Variants in RIBC2 observed in about 807,000 individuals in gnomAD.
RIBC2 encodes the protein RIB43A-like with coiled-coils protein 2.
A neutral mutation model predicts 44.3 loss-of-function variants in RIBC2; 40 were observed. The observed-to-expected ratio is 0.90, with a 90% CI of 0.70 to 1.18. The LOEUF is 1.18. Among genes scored for constraint, RIBC2 ranks in the 50% most tolerant of loss-of-function variants. RIBC2 has a pLI of 0.00. For missense variants in RIBC2, 459 were observed against 485.5 expected, an observed-to-expected ratio of 0.95 and a Z score of 0.51; for synonymous variants, 171 against 175.0, an observed-to-expected ratio of 0.98 and a Z score of 0.18.
chr22:45,415,155 G>T (rs1478443433), intron 2 of RIBC2, among the ~76,000 whole-genome samples: 1 of 147,924 alleles, frequency 6.8e-6, no homozygotes, highest in Non-Finnish European at 1.5e-5. Context: ...CTCCAGACTT[G>T]CCTGGGCAAC....
At chr22:45,421,571 A>G (rs1198015154) in intron 3 of RIBC2, among the ~76,000 whole-genome samples, 1 of 132,754 alleles carries the variant, frequency 7.5e-6, no homozygotes, top group Admixed American at 8.0e-5. Flanking sequence ...ATTATTAATA[A>G]TAGTATTATT....
chr22:45,420,668 T>C (rs1345705445), intron 3 of RIBC2, among the ~76,000 whole-genome samples: 1 of 152,194 alleles, frequency 6.6e-6, no homozygotes, highest in African/African-American at 2.4e-5. Context: ...ACCAGAAGTC[T>C]AGGGAATCAT....
At position 45,417,654 on chromosome 22, in the gene RIBC2, A is replaced by G. The variant is rs746594459; in HGVS notation, c.264A>G (p.Lys88=). 3.1e-6 allele frequency: 5 copies of G among 1,614,176 alleles called. No individual in the cohort carries two copies. The highest frequency in any genetic ancestry group is 4.2e-6 in the Non-Finnish European group (5 of 1,180,008). The change falls in exon 3 of 7, where the codon AAA becomes AAG. Residue 88 remains lysine (K), a synonymous_variant. Coordinates refer to ENST00000614167, the MANE Select transcript of RIBC2 (RefSeq NM_015653.5). ...DKIMCILENR[K]KRDRKNLCRA... ...TCATGTGCATATTGGAAAACCGGAA[A>G]AAGAGGGATAGGAAAAATCTCTGTA...
At chr22:45,418,007 T>G (rs2087442898) in intron 3 of RIBC2, 61 bp downstream of exon 3, 2 of 208,960 alleles carry the variant, frequency 9.6e-6, no homozygotes, top group Non-Finnish European at 1.2e-5. Flanking sequence ...AACCCTACAG[T>G]TTTTTTTTTT....
rs755926385 is a variant in RIBC2 at position 45,426,206 on chromosome 22, A to G, written c.903+31A>G. On this transcript the variant is annotated intron_variant, in intron 5 of 6. Coordinates refer to ENST00000614167, the MANE Select transcript of RIBC2 (RefSeq NM_015653.5). ...TGCCCCGCCCCTTTTTCCAGAGCCC[A>G]TAGAGCCAGGCTCTTTGCTCCCACT... The G allele has an allele frequency of 1.0e-5, 16 of 1,577,498 alleles. No individual in the cohort carries two copies. The East Asian group carries it at 2.7e-4, about 27-fold the overall frequency.
chr22:45,427,667 C>T (rs775191573), intron 5 of RIBC2, among the ~76,000 whole-genome samples: 1 of 152,230 alleles, frequency 6.6e-6, no homozygotes, highest in Non-Finnish European at 1.5e-5. Context: ...GACAGTCTCA[C>T]TCTATCACCC....
intron 2 of RIBC2, among the ~76,000 whole-genome samples, chr22:45,415,800 A>G (rs1196654137): frequency 6.6e-6 from 1 of 152,098 alleles, no homozygotes; most frequent in Non-Finnish European, 1.5e-5. Flanking sequence ...CCTGGGTTCA[A>G]GCAATTCTCC....
rs199673014 is a variant in RIBC2 at position 45,423,936 on chromosome 22, GTGA to G, written c.675+1542_675+1544del. 2.7e-4 allele frequency among the ~76,000 whole-genome samples: 41 copies of G among 152,296 alleles called. No individual in the cohort carries two copies. The East Asian group carries it at 7.9e-3, about 29-fold the overall frequency. On this transcript the variant is annotated intron_variant, in intron 4 of 6. Coordinates refer to ENST00000614167, the MANE Select transcript of RIBC2 (RefSeq NM_015653.5). ...TGCTCATTCATTTATGGAAGCGATG[GTGA>G]TGATGATGATGATAATTCACTCATT...
chr22:45,417,577 T>A, intron 2 of RIBC2, 25 bp from the exon 3 acceptor site: 1 of 1,531,168 alleles, frequency 6.5e-7, no homozygotes, highest in Non-Finnish European at 9.0e-7. Context: ...ATCCTAAGCT[T>A]ATGGATATGC....
intron 3 of RIBC2, among the ~76,000 whole-genome samples, chr22:45,418,563 G>T (rs1307421655): frequency 2.0e-5 from 3 of 152,162 alleles, no homozygotes; most frequent in African/African-American, 7.2e-5. Context: ...GACCCGCCCA[G>T]CCACTTCTGT....
At position 45,422,338 on chromosome 22, in the gene RIBC2, A is replaced by G. The variant is rs576340351; in HGVS notation, c.605A>G (p.His202Arg). Residue 202 changes from histidine to arginine, a missense_variant, in exon 4 of 7, where the codon CAC becomes CGC. Transcript: ENST00000614167. The part of the protein sequence containing the change: ...TRLQFDETAK[H>R]LQKLESTTRK... ...CTGCAGTTTGACGAGACAGCCAAGC[A>G]CCTCCAGAAGCTGGAAAGCACCACC... The G allele has an allele frequency of 6.2e-7, 1 of 1,614,096 alleles. No individual in the cohort carries two copies. The highest frequency in any genetic ancestry group is 1.3e-5 in the African/African-American group (1 of 74,988).
rs368782028 is a variant in RIBC2 at position 45,417,791 on chromosome 22, A to T, written c.401A>T (p.Asn134Ile). The T allele has an allele frequency of 6.2e-7, 1 of 1,614,174 alleles. No individual in the cohort carries two copies. Among genetic ancestry groups the T allele is most frequent in the East Asian group, 2.2e-5 (1 of 44,890 alleles). ...KKDLPARQSD[N>I]DVRNTISGMQ... ...GATCTTCCAGCCCGGCAGTCAGATA[A>T]TGATGTTCGGAATACGATATCAGGA... is the stretch of plus-strand genomic sequence containing the variant. Residue 134 changes from asparagine (N) to isoleucine (I), a missense_variant, in exon 3 of 7, where the codon AAT (asparagine) becomes ATT (isoleucine). Coordinates refer to ENST00000614167, the MANE Select transcript of RIBC2 (RefSeq NM_015653.5).
At chr22:45,415,624 T>TATAA (rs976658565) in intron 2 of RIBC2, among the ~76,000 whole-genome samples, 3 of 141,978 alleles carry the variant, frequency 2.1e-5, no homozygotes, top group Non-Finnish European at 3.0e-5. Context: ...TATATATATA[T>TATAA]AACAACACTG....
At chr22:45,419,999 C>T (rs1329640586) in intron 3 of RIBC2, among the ~76,000 whole-genome samples, 1 of 152,194 alleles carries the variant, frequency 6.6e-6, no homozygotes, top group Non-Finnish European at 1.5e-5. Context: ...GCACTCCACC[C>T]TGGGTGAGAG....
At position 45,413,952 on chromosome 22, in the gene RIBC2, G is replaced by A; in HGVS notation, c.66G>A (p.Lys22=). 1 of 1,551,756 alleles carries A rather than the reference G, an allele frequency of 6.4e-7. No individual in the cohort carries two copies. Among genetic ancestry groups the A allele is most frequent in the Non-Finnish European group, 8.7e-7 (1 of 1,147,006 alleles). ...TGCGGCAGGACGCCAACCTGGCAAA[G>A]AGGAGGCACGCGGAGCTGTGCAGGC... ...RDLRQDANLA[K]RRHAELCRQK... The change falls in exon 1 of 7, where the codon AAG becomes AAA. Residue 22 remains lysine, a synonymous_variant. Coordinates refer to ENST00000614167, the MANE Select transcript of RIBC2 (RefSeq NM_015653.5).
chr22:45,430,579 C>T (rs1187066311), intron 5 of RIBC2, among the ~76,000 whole-genome samples: 1 of 152,194 alleles, frequency 6.6e-6, no homozygotes, highest in Non-Finnish European at 1.5e-5. Context: ...AGAAGGAAGA[C>T]TCTGGGCCCA....
rs149130910 is a variant in RIBC2 at position 45,426,102 on chromosome 22, G to A, written c.830G>A (p.Arg277His). 2.0e-3 allele frequency: 3,190 copies of A among 1,613,944 alleles called. 8 individuals carry two copies. Among genetic ancestry groups the A allele is most frequent in the Non-Finnish European group, 2.5e-3 (2,896 of 1,180,018 alleles). ...SFGPHRVVPD[R>H]WKGMTQEQLE... ...GGGCCCCACCGCGTGGTCCCTGACC[G>A]CTGGAAGGGCATGACCCAGGAGCAG... Residue 277 changes from arginine (R) to histidine (H), a missense_variant, in exon 5 of 7, where the codon CGC becomes CAC. Transcript: ENST00000614167.
At chr22:45,414,488 C>CT (rs1378118815) in intron 2 of RIBC2, 85 bp downstream of exon 2, 23,829 of 679,080 alleles carry the variant, frequency 0.035, 71 homozygotes, top group African/African-American at 0.063. Flanking sequence ...CCTGCCCCGC[C>CT]TTTTTTTTTT....
At chr22:45,427,142 A>C (rs1417211995) in intron 5 of RIBC2, among the ~76,000 whole-genome samples, 1 of 152,212 alleles carries the variant, frequency 6.6e-6, no homozygotes, top group African/African-American at 2.4e-5. Context: ...ATGTGGCAGA[A>C]AACCACACAT....
Sources: allele counts gnomAD v4.1 joint callset (sites outside exome capture counted in the v4.1 genomes callset), GRCh38; gene constraint gnomAD v4.1.1; transcripts MANE v1.5; gene names NCBI Gene and HGNC (gene_info 2026-07-23, HGNC 2026-07-21).